MTSS1: variants seen among roughly 807,000 people sequenced by gnomAD.
The protein encoded by MTSS1 is protein MTSS 1.
Under a neutral mutation model 79.0 loss-of-function variants are expected in MTSS1, and 18 were observed. The ratio of observed to expected loss-of-function variants is 0.23; its 90% CI spans 0.16 to 0.34. The LOEUF (loss-of-function observed/expected upper bound fraction) is 0.34. Ranked by LOEUF, MTSS1 falls within the 10% of genes least tolerant of loss-of-function variation. The pLI, the probability that MTSS1 is intolerant of heterozygous loss-of-function variation, is 1.00. For synonymous variants in MTSS1, 341 were observed against 368.6 expected (o/e 0.93, Z 0.86); for missense variants, 815 against 986.2 (o/e 0.83, Z 2.33).
In MTSS1 at chr8:124,720,849, G is replaced by A. The variant is rs79739537; in HGVS notation, c.72+7035C>T. On this transcript the variant is annotated intron_variant, in intron 1 of 13. Coordinates refer to ENST00000518547, the MANE Select transcript of MTSS1 (RefSeq NM_014751.6). Reference sequence around the variant, plus strand: ...TTTGAGTGGACGTTCGCCAGGCAATGTGTGAAAACCTTCACAAGCAATGTT... The same window carrying A: ...TTTGAGTGGACGTTCGCCAGGCAATATGTGAAAACCTTCACAAGCAATGTT... Among the ~76,000 whole-genome samples, 34 of 152,300 alleles carry A rather than the reference G, an allele frequency of 2.2e-4. No homozygotes were observed. In the East Asian group the frequency reaches 6.4e-3, roughly 29 times the overall value.
At chr8:124,643,394 G>A (rs1467887566) in intron 3 of MTSS1, among the ~76,000 whole-genome samples, 2 of 151,986 alleles carry the variant, frequency 1.3e-5, no homozygotes. Flanking sequence ...ATTACAATAT[G>A]ATCATTTAAA....
At chr8:124,657,632 C>A (rs568644205) in intron 3 of MTSS1, among the ~76,000 whole-genome samples, 44 of 152,258 alleles carry the variant, frequency 2.9e-4, no homozygotes, top group African/African-American at 1.1e-3. Flanking sequence ...GCTCCAAGCC[C>A]ACTGCGCATA....
At chr8:124,613,209 G>A (rs1169803870) in intron 3 of MTSS1, among the ~76,000 whole-genome samples, 1 of 152,160 alleles carries the variant, frequency 6.6e-6, no homozygotes, top group Non-Finnish European at 1.5e-5. Context: ...GATATCCCTG[G>A]TCACTGTTCC....
At chr8:124,556,595 C>T (rs2131787282) in intron 11 of MTSS1, 190 bp from the exon 12 acceptor site, 2 of 644,134 alleles carry the variant, frequency 3.1e-6, no homozygotes, top group African/African-American at 1.8e-5. Context: ...CCTTTGGGAG[C>T]CCCCTGTGTA....
chr8:124,659,116 C>T (rs1821523643), intron 3 of MTSS1, among the ~76,000 whole-genome samples: 1 of 152,152 alleles, frequency 6.6e-6, no homozygotes, highest in Non-Finnish European at 1.5e-5. Flanking sequence ...AATTCCTTTA[C>T]AAGAACTCAA....
rs553348592 is a variant in MTSS1 at position 124,573,999 on chromosome 8, A to AT, written c.461-5464dup. Among the ~76,000 whole-genome samples, 794 of 149,212 alleles carry AT rather than the reference A, an allele frequency of 5.3e-3. 3 individuals are homozygous for AT. Among genetic ancestry groups the AT allele is most frequent in the Non-Finnish European group, 7.2e-3 (480 of 67,010 alleles). ...GGCAGCACCCCTAAAGAAGGAAGGA[A>AT]TTTTTTTTTTTGAGACAGAGTCTCG... On this transcript the variant is annotated intron_variant, in intron 6 of 13. Transcript: ENST00000518547.
chr8:124,592,517 A>G (rs1204814081), intron 3 of MTSS1, among the ~76,000 whole-genome samples: 1 of 152,298 alleles, frequency 6.6e-6, no homozygotes, highest in Non-Finnish European at 1.5e-5. Context: ...AGTACTCGTG[A>G]CATTACTATG....
At chr8:124,667,219 G>A (rs1406296917) in intron 3 of MTSS1, among the ~76,000 whole-genome samples, 1 of 152,178 alleles carries the variant, frequency 6.6e-6, no homozygotes, top group Admixed American at 6.5e-5. Flanking sequence ...AGGGGACCAG[G>A]CCTGGGGCTG....
chr8:124,629,505 CAAAAAAAA>C (rs982816199), intron 3 of MTSS1, among the ~76,000 whole-genome samples: 2 of 62,216 alleles, frequency 3.2e-5, no homozygotes, highest in Non-Finnish European at 7.1e-5. Flanking sequence ...GACTCCGTCT[CAAAAAAAA>C]AAAAAAAAAA....
intron 1 of MTSS1, among the ~76,000 whole-genome samples, chr8:124,724,090 C>A (rs191727994): frequency 6.6e-6 from 1 of 152,152 alleles, no homozygotes; most frequent in African/African-American, 2.4e-5. Context: ...CCATAAACAG[C>A]AAGGAAGTGT....
rs149620967 is a variant in MTSS1 at position 124,562,941 on chromosome 8, C to G, written c.876G>C (p.Ser292=). 1.2e-6 allele frequency: 2 copies of G among 1,613,042 alleles called. No individual in the cohort carries two copies. The highest frequency in any genetic ancestry group is 2.2e-5 in the South Asian group (2 of 90,952). Reference sequence around the variant, plus strand: ...AGCGGTAATGTGAGCTGGGGGAATGCGAGTGGGAGCCGCTGGACCGGGAGT... The same window carrying G: ...AGCGGTAATGTGAGCTGGGGGAATGGGAGTGGGAGCCGCTGGACCGGGAGT... ...SSDSRSSGSH[S]HSPSSHYRYR... is the part of the protein sequence containing the mutation. Residue 292 remains serine (S), a synonymous_variant, in exon 10 of 14, where the codon TCG becomes TCC. Transcript: ENST00000518547.
rs541005375 is a variant in MTSS1 at position 124,719,818 on chromosome 8, G to A, written c.72+8066C>T. 4.4e-4 allele frequency among the ~76,000 whole-genome samples: 67 copies of A among 152,278 alleles called. 1 individual carries two copies. Among genetic ancestry groups the A allele is most frequent in the Non-Finnish European group, 7.5e-4 (51 of 68,022 alleles). On this transcript the variant is annotated intron_variant, in intron 1 of 13. Coordinates refer to ENST00000518547, the MANE Select transcript of MTSS1 (RefSeq NM_014751.6). ...TCAAATAGATACGAGCATTTATTTA[G>A]CACTTATTTCATGCTAAGCCCTCGA...
intron 6 of MTSS1, among the ~76,000 whole-genome samples, chr8:124,573,161 G>A (rs756679046): frequency 2.0e-5 from 3 of 152,198 alleles, no homozygotes; most frequent in Non-Finnish European, 4.4e-5. Flanking sequence ...AAAGGTCATT[G>A]CCTGTCTACC....
At chr8:124,665,947 G>A (rs190716610) in intron 3 of MTSS1, among the ~76,000 whole-genome samples, 18 of 151,590 alleles carry the variant, frequency 1.2e-4, no homozygotes, top group Admixed American at 1.0e-3. Context: ...TGAGTCTCAC[G>A]ATTTTGGGCA....
chr8:124,664,500 A>G (rs927487482), intron 3 of MTSS1, among the ~76,000 whole-genome samples: 5 of 152,166 alleles, frequency 3.3e-5, no homozygotes, highest in African/African-American at 1.2e-4. Context: ...AGGAGCACAC[A>G]AGATTAGAAG....
intron 11 of MTSS1, 105 bp downstream of exon 11, chr8:124,557,576 T>TGAAA: frequency 8.6e-7 from 1 of 1,159,282 alleles, no homozygotes; most frequent in Non-Finnish European, 1.2e-6. Flanking sequence ...AGGCAGAGTG[T>TGAAA]GAAAGGAAGG....
At position 124,562,909 on chromosome 8, in the gene MTSS1, C is replaced by A; in HGVS notation, c.908G>T (p.Ser303Ile). Residue 303 changes from serine to isoleucine, a missense_variant, in exon 10 of 14, where the codon AGC becomes ATC. By Grantham distance (142) the Ser-to-Ile change is moderately radical. Coordinates refer to ENST00000518547, the MANE Select transcript of MTSS1 (RefSeq NM_014751.6). ...AGGAGCCTGCTGGGCCAGGTTGGAG[C>A]TGCGGTAGCGGTAATGTGAGCTGGG... Reference protein sequence around the residue: ...HSPSSHYRYRSSNLAQQAPVR... With the variant: ...HSPSSHYRYRISNLAQQAPVR... 1 of 1,613,920 alleles carries A rather than the reference C, an allele frequency of 6.2e-7. No individual in the cohort carries two copies. Among genetic ancestry groups the A allele is most frequent in the African/African-American group, 1.3e-5 (1 of 75,020 alleles).
At chr8:124,604,886 C>A (rs1272848833) in intron 3 of MTSS1, among the ~76,000 whole-genome samples, 1 of 152,196 alleles carries the variant, frequency 6.6e-6, no homozygotes, top group Non-Finnish European at 1.5e-5. Flanking sequence ...CTACCACCAT[C>A]TGGCGGCTTC....
chr8:124,676,023 A>G (rs1470864565), intron 3 of MTSS1, among the ~76,000 whole-genome samples: 2 of 152,230 alleles, frequency 1.3e-5, no homozygotes, highest in Non-Finnish European at 2.9e-5. Flanking sequence ...GACCCTGGTC[A>G]TATGAATGGC....
Sources: gnomAD v4.1 joint callset for allele counts (sites outside exome capture counted in the v4.1 genomes callset) on GRCh38, gnomAD v4.1.1 for gene constraint, MANE v1.5 for transcripts, NCBI Gene and HGNC (gene_info 2026-07-23, HGNC 2026-07-21) for gene names.